Variants in KANK1 observed in about 807,000 individuals in gnomAD.
The protein encoded by KANK1 is KN motif and ankyrin repeat domain-containing protein 1.
A neutral mutation model predicts 106.2 loss-of-function variants in KANK1; 109 were observed. The observed-to-expected ratio is 1.03, with a 90% CI of 0.88 to 1.20. The LOEUF is 1.20. Ranked by LOEUF, KANK1 falls within the 50% of genes most tolerant of loss-of-function variation. The pLI, the probability that KANK1 is intolerant of heterozygous loss-of-function variation, is 0.00. For synonymous variants in KANK1, 873 were observed against 652.2 expected, an observed-to-expected ratio of 1.34 and a Z score of -5.16; for missense variants, 2,399 against 1,710.7, an observed-to-expected ratio of 1.40 and a Z score of -7.10.
chr9:524,397 T>G (rs982300205), intron 1 of KANK1, among the ~76,000 whole-genome samples: 1 of 151,860 alleles, frequency 6.6e-6, no homozygotes, highest in Non-Finnish European at 1.5e-5. Flanking sequence ...AAGTCAATCT[T>G]CAAAGGAAGA....
At chr9:732,345 C>A in intron 5 of KANK1, 33 bp from the exon 6 acceptor site, 1 of 1,595,642 alleles carries the variant, frequency 6.3e-7, no homozygotes, top group South Asian at 1.1e-5. Context: ...GTGAGCACAC[C>A]TTGCATCTCC....
At chr9:693,340 C>A in intron 2 of KANK1, 2 of 965,502 alleles carry the variant, frequency 2.1e-6, no homozygotes, top group Non-Finnish European at 2.5e-6. Flanking sequence ...GAGCCTTTCT[C>A]TGCAGTGGAG....
chr9:701,866 A>G (rs960708741), intron 2 of KANK1, among the ~76,000 whole-genome samples: 1 of 152,204 alleles, frequency 6.6e-6, no homozygotes, highest in African/African-American at 2.4e-5. Flanking sequence ...AAAATCATAT[A>G]GTACTTTATG....
chr9:541,961 C>T (rs892224827), intron 1 of KANK1, among the ~76,000 whole-genome samples: 1 of 150,894 alleles, frequency 6.6e-6, no homozygotes, highest in African/African-American at 2.4e-5. Context: ...TGGTAGCGGG[C>T]CCCTGTAGTC....
At chr9:629,717 C>T (rs550764351) in intron 1 of KANK1, among the ~76,000 whole-genome samples, 7 of 152,272 alleles carry the variant, frequency 4.6e-5, no homozygotes, top group Admixed American at 1.3e-4. Context: ...ATAGTACAAA[C>T]GTGTTGGAGA....
At chr9:604,161 C>G (rs568997460) in intron 1 of KANK1, among the ~76,000 whole-genome samples, 4 of 151,456 alleles carry the variant, frequency 2.6e-5, no homozygotes, top group African/African-American at 4.9e-5. Flanking sequence ...CGTTATTGTT[C>G]TGATTATTCT....
At chr9:592,366 C>T (rs1825142886) in intron 1 of KANK1, among the ~76,000 whole-genome samples, 2 of 151,966 alleles carry the variant, frequency 1.3e-5, no homozygotes, top group Admixed American at 6.5e-5. Flanking sequence ...ATGTTAATTA[C>T]CCACAAGTGT....
At chr9:512,089 C>T (rs1281594677) in intron 1 of KANK1, among the ~76,000 whole-genome samples, 1 of 152,186 alleles carries the variant, frequency 6.6e-6, no homozygotes, top group Non-Finnish European at 1.5e-5. Flanking sequence ...AGAGCACCTA[C>T]ACATGTTGAC....
chr9:622,717 C>G (rs1472291607), intron 1 of KANK1, among the ~76,000 whole-genome samples: 1 of 151,994 alleles, frequency 6.6e-6, no homozygotes, highest in Non-Finnish European at 1.5e-5. Flanking sequence ...GCCTGGCCAA[C>G]ATAGTGAAAC....
intron 6 of KANK1, chr9:733,015 G>T: frequency 6.1e-6 from 1 of 164,228 alleles, no homozygotes; most frequent in Non-Finnish European, 1.3e-5. Context: ...ATTATTACAG[G>T]ATCATTGTGT....
intron 1 of KANK1, among the ~76,000 whole-genome samples, chr9:506,083 T>G (rs950227249): frequency 2.0e-5 from 3 of 152,184 alleles, no homozygotes; most frequent in African/African-American, 7.2e-5. Context: ...AATATATCCG[T>G]AAAGTTATGA....
At chr9:700,555 G>C (rs1354677126) in intron 2 of KANK1, among the ~76,000 whole-genome samples, 1 of 152,156 alleles carries the variant, frequency 6.6e-6, no homozygotes, top group Admixed American at 6.5e-5. Flanking sequence ...TTGCTTTCCT[G>C]CTGACGTGGG....
intron 1 of KANK1, among the ~76,000 whole-genome samples, chr9:515,066 G>A (rs1326128023): frequency 1.3e-5 from 2 of 151,750 alleles, no homozygotes; most frequent in African/African-American, 4.9e-5. Flanking sequence ...CAGTTTGACC[G>A]GGTGCAGTGG....
chr9:564,081 A>G (rs1386620891), intron 1 of KANK1, among the ~76,000 whole-genome samples: 1 of 144,360 alleles, frequency 6.9e-6, no homozygotes, highest in African/African-American at 2.7e-5. Flanking sequence ...TTTTTTTGAG[A>G]CAGAGTCTTG....
intron 1 of KANK1, among the ~76,000 whole-genome samples, chr9:572,100 G>A (rs1052464845): frequency 3.4e-5 from 5 of 145,558 alleles, no homozygotes; most frequent in Non-Finnish European, 7.5e-5. Context: ...GAAAGTCAAT[G>A]TTTTCCCTCC....
chr9:553,600 A>G (rs1209044722), intron 1 of KANK1, among the ~76,000 whole-genome samples: 4 of 152,198 alleles, frequency 2.6e-5, no homozygotes, highest in Non-Finnish European at 5.9e-5. Context: ...AACACAGGGG[A>G]TGAAGTAAAT....
chr9:497,366 G>C (rs969489329), intron 3 of KANK1, among the ~76,000 whole-genome samples: 1 of 152,040 alleles, frequency 6.6e-6, no homozygotes, highest in Non-Finnish European at 1.5e-5. Flanking sequence ...CACTGTGCAC[G>C]CCCTCCCCAG....
chr9:635,315 T>TG (rs1836824955), intron 1 of KANK1, among the ~76,000 whole-genome samples: 1 of 152,156 alleles, frequency 6.6e-6, no homozygotes, highest in Non-Finnish European at 1.5e-5. Context: ...GAACTTTCCT[T>TG]GCGCACTCCC....
chr9:739,208 TG>T (rs1218391693), intron 8 of KANK1, among the ~76,000 whole-genome samples: 3 of 152,204 alleles, frequency 2.0e-5, no homozygotes, highest in Non-Finnish European at 4.4e-5. Flanking sequence ...CTTGTTCAAA[TG>T]GAGCAGCCTG....
Sources: allele counts gnomAD v4.1 joint callset (sites outside exome capture counted in the v4.1 genomes callset), GRCh38; gene constraint gnomAD v4.1.1; transcripts MANE v1.5; gene names NCBI Gene and HGNC (gene_info 2026-07-23, HGNC 2026-07-21).